ALX1: variants seen among roughly 807,000 people sequenced by gnomAD.
The protein encoded by ALX1 is ALX homeobox protein 1.
ALX1 carries 19 observed loss-of-function variants against 31.7 expected under a neutral mutation model. That is an observed-to-expected ratio of 0.60 (90% CI 0.42 to 0.88). ALX1 has a LOEUF of 0.88. Ranked by LOEUF, ALX1 falls within the 40% of genes least tolerant of loss-of-function variation. The pLI, the probability that ALX1 is intolerant of heterozygous loss-of-function variation, is 0.00. For synonymous variants in ALX1, 153 were observed against 148.8 expected (o/e 1.03, Z -0.20); for missense variants, 415 against 407.8 (o/e 1.02, Z -0.15).
intron 1 of ALX1, among the ~76,000 whole-genome samples, chr12:85,281,508 CT>C (rs1896673151): frequency 6.6e-6 from 1 of 152,180 alleles, no homozygotes; most frequent in Admixed American, 6.5e-5. Flanking sequence ...CCCCTGCCCC[CT>C]ATTTTATAGA....
intron 1 of ALX1, among the ~76,000 whole-genome samples, chr12:85,282,587 T>C (rs569860867): frequency 6.6e-6 from 1 of 152,296 alleles, no homozygotes; most frequent in East Asian, 1.9e-4. Flanking sequence ...TTCTGGCTGG[T>C]TTGACTTTAC....
chr12:85,280,528 C>T, intron 1 of ALX1, 41 bp downstream of exon 1: 1 of 1,595,452 alleles, frequency 6.3e-7, no homozygotes, highest in Non-Finnish European at 8.5e-7. Context: ...CGCAGCCCTT[C>T]CGCAATCGAA....
chr12:85,287,450 T>C (rs1252144741), intron 3 of ALX1, among the ~76,000 whole-genome samples: 2 of 148,390 alleles, frequency 1.3e-5, no homozygotes, highest in Non-Finnish European at 3.0e-5. Flanking sequence ...TCTCTTTTTC[T>C]ATGTTTTTTT....
Position 85,280,399 on chromosome 12 carries a change from A to T in ALX1, c.138A>T (p.Ala46=). 6.2e-7 allele frequency: 1 copy of T among 1,613,730 alleles called. No homozygotes were observed. Among genetic ancestry groups the T allele is most frequent in the Non-Finnish European group, 8.5e-7 (1 of 1,180,042 alleles). ...DNESFYSKAS[A]GKCVQAFGPL... Reference sequence around the variant, plus strand: ...AGTCCTTTTACAGCAAAGCGTCTGCAGGCAAATGCGTGCAGGCCTTCGGAC... The same window carrying T: ...AGTCCTTTTACAGCAAAGCGTCTGCTGGCAAATGCGTGCAGGCCTTCGGAC... Residue 46 remains alanine (A), a synonymous_variant, in exon 1 of 4, where the codon GCA becomes GCT. Coordinates refer to ENST00000316824, the MANE Select transcript of ALX1 (RefSeq NM_006982.3).
At position 85,283,630 on chromosome 12, in the gene ALX1, T is replaced by A; in HGVS notation, c.285T>A (p.Ala95=). Residue 95 remains alanine, a synonymous_variant, in exon 2 of 4, where the codon GCT becomes GCA. Coordinates refer to ENST00000316824, the MANE Select transcript of ALX1 (RefSeq NM_006982.3). ...GQPLHTELNR[A]MDNCNSLRMS... Reference sequence around the variant, plus strand: ...CCCTTCACACCGAACTGAATAGAGCTATGGACAACTGTAACAGTCTCCGAA... The same window carrying A: ...CCCTTCACACCGAACTGAATAGAGCAATGGACAACTGTAACAGTCTCCGAA... 6.2e-7 allele frequency: 1 copy of A among 1,614,086 alleles called. No individual in the cohort carries two copies. The highest frequency in any genetic ancestry group is 8.5e-7 in the Non-Finnish European group (1 of 1,180,000).
In ALX1 at chr12:85,284,497, T is replaced by G. The variant is rs115724086; in HGVS notation, c.531+621T>G. On this transcript the variant is annotated intron_variant, in intron 2 of 3. Transcript: ENST00000316824. The stretch of plus-strand genomic sequence containing the variant: ...AAATATTCCATTATAATGGTTAAAG[T>G]CTAGATAAATCATATGAATTTTGCA... Among the ~76,000 whole-genome samples the G allele has an allele frequency of 4.1e-3, 622 of 152,240 alleles. 2 individuals are homozygous for G. Among genetic ancestry groups the G allele is most frequent in the African/African-American group, 0.014 (592 of 41,592 alleles).
rs1339836356 is a variant in ALX1, at chr12:85,301,167, T to C, written c.673T>C (p.Leu225=). Residue 225 remains leucine, a synonymous_variant, in exon 4 of 4, where the codon TTG becomes CTG. Transcript: ENST00000316824. ...TTATATATTCCAGATTCAGAACAAT[T>C]TGTGGGCAGGAAATGCAAGTGGTGG... ...TDSYPQIQNN[L]WAGNASGGSV... is the part of the protein sequence containing the mutation. The C allele has an allele frequency of 1.4e-5, 22 of 1,613,858 alleles. No homozygotes were observed. The highest frequency in any genetic ancestry group is 1.9e-5 in the Non-Finnish European group (22 of 1,179,896).
At chr12:85,291,898 A>G (rs939454152) in intron 3 of ALX1, among the ~76,000 whole-genome samples, 2 of 151,084 alleles carry the variant, frequency 1.3e-5, no homozygotes, top group African/African-American at 4.8e-5. Flanking sequence ...GTGTGGGTTC[A>G]AGTTTTGGCT....
chr12:85,289,573 T>C (rs1481445689), intron 3 of ALX1, among the ~76,000 whole-genome samples: 1 of 151,168 alleles, frequency 6.6e-6, no homozygotes, highest in Non-Finnish European at 1.5e-5. Flanking sequence ...ACCTGATAAT[T>C]TAAGAATGGA....
intron 3 of ALX1, among the ~76,000 whole-genome samples, chr12:85,290,799 A>G (rs1896808323): frequency 6.6e-6 from 1 of 150,728 alleles, no homozygotes; most frequent in Non-Finnish European, 1.5e-5. Flanking sequence ...TCCCTCCCTC[A>G]CCTAAGCCAT....
At chr12:85,291,698 T>C (rs993423029) in intron 3 of ALX1, among the ~76,000 whole-genome samples, 1 of 151,052 alleles carries the variant, frequency 6.6e-6, no homozygotes, top group Non-Finnish European at 1.5e-5. Flanking sequence ...AATGGAAGTA[T>C]TGTTGGTGCT....
chr12:85,282,930 C>T (rs1359713409), intron 1 of ALX1, among the ~76,000 whole-genome samples: 1 of 150,890 alleles, frequency 6.6e-6, no homozygotes, highest in African/African-American at 2.4e-5. Flanking sequence ...ATCTAATTTC[C>T]GATAGAAAGC....
chr12:85,286,640 T>G (rs1896750638), intron 2 of ALX1, among the ~76,000 whole-genome samples: 1 of 151,874 alleles, frequency 6.6e-6, no homozygotes, highest in Admixed American at 6.6e-5. Context: ...TCCTGCCTCT[T>G]TCTATTAAAT....
At chr12:85,291,205 C>A (rs2137385284) in intron 3 of ALX1, among the ~76,000 whole-genome samples, 1 of 151,230 alleles carries the variant, frequency 6.6e-6, no homozygotes, top group South Asian at 2.1e-4. Context: ...CACTTTTCAG[C>A]TGACTTTTAT....
intron 3 of ALX1, among the ~76,000 whole-genome samples, chr12:85,298,856 T>C (rs1896922898): frequency 6.6e-6 from 1 of 151,808 alleles, no homozygotes; most frequent in Non-Finnish European, 1.5e-5. Flanking sequence ...AAATAAAATT[T>C]GCTTTTTTAT....
rs755474505 is a variant in ALX1 at position 85,280,411 on chromosome 12, G to T, written c.150G>T (p.Val50=). Residue 50 remains valine (V), a synonymous_variant, in exon 1 of 4, where the codon GTG becomes GTT. Coordinates refer to ENST00000316824, the MANE Select transcript of ALX1 (RefSeq NM_006982.3). ...GCAAAGCGTCTGCAGGCAAATGCGTGCAGGCCTTCGGACCCCTGCCCCGCG... is the reference window on the plus strand; with the variant it reads ...GCAAAGCGTCTGCAGGCAAATGCGTTCAGGCCTTCGGACCCCTGCCCCGCG... ...FYSKASAGKC[V]QAFGPLPRAE... 80 of 1,613,142 alleles carry T rather than the reference G, an allele frequency of 5.0e-5. No homozygotes were observed. Among genetic ancestry groups the T allele is most frequent in the Non-Finnish European group, 6.6e-5 (78 of 1,180,052 alleles).
chr12:85,286,902 G>A lies in ALX1; in HGVS notation c.581G>A (p.Gly194Asp). 6.2e-7 allele frequency: 1 copy of A among 1,611,884 alleles called. No individual in the cohort carries two copies. Among genetic ancestry groups the A allele is most frequent in the Non-Finnish European group, 8.5e-7 (1 of 1,178,526 alleles). The change falls in exon 3 of 4, where the codon GGC (glycine) becomes GAC (aspartate). Residue 194 changes from glycine to aspartate, a missense_variant. Physicochemically the swap from Gly to Asp is moderately conservative, Grantham distance 94 (BLOSUM62 -1). Around this residue, in one of 3 missense-constraint regions of ALX1, gnomAD observed 174 missense variants for 177.5 expected, o/e 0.98. Transcript: ENST00000316824. Reference sequence around the variant, plus strand: ...AAATGGAGAAAAAGGGAACGTTATGGCCAAATACAACAAGCGAAAAGCCAT... The same window carrying A: ...AAATGGAGAAAAAGGGAACGTTATGACCAAATACAACAAGCGAAAAGCCAT... ...RAKWRKRERY[G>D]QIQQAKSHFA...
Position 85,301,218 on chromosome 12 carries a change from C to T in ALX1, c.724C>T (p.Pro242Ser). ...TTCTGTGGTTACTTCATGCATGTTA[C>T]CACGTGACACTTCCTCCTGTATGAC... The part of the protein sequence containing the change: ...GGSVVTSCML[P>S]RDTSSCMTPY... The change falls in exon 4 of 4, where the codon CCA becomes TCA. Residue 242 changes from proline to serine, a missense_variant. By Grantham distance (74) the Pro-to-Ser change is moderately conservative. Coordinates refer to ENST00000316824, the MANE Select transcript of ALX1 (RefSeq NM_006982.3). 1 of 1,613,976 alleles carries T rather than the reference C, an allele frequency of 6.2e-7. No homozygotes were observed. The highest frequency in any genetic ancestry group is 8.5e-7 in the Non-Finnish European group (1 of 1,179,918).
At chr12:85,294,026 T>C (rs1271913835) in intron 3 of ALX1, among the ~76,000 whole-genome samples, 2 of 151,214 alleles carry the variant, frequency 1.3e-5, no homozygotes, top group Non-Finnish European at 3.0e-5. Context: ...GTCGACTTTG[T>C]AGTTAATACA....
Sources: allele counts gnomAD v4.1 joint callset (sites outside exome capture counted in the v4.1 genomes callset), GRCh38; gene constraint gnomAD v4.1.1; regional missense constraint gnomAD v4.1.1; transcripts MANE v1.5; gene names NCBI Gene and HGNC (gene_info 2026-07-23, HGNC 2026-07-21).